ABLIM3: variants seen among roughly 807,000 people sequenced by gnomAD.
ABLIM3 encodes actin binding LIM protein family member 3, also known as actin-binding LIM protein 3.
A neutral mutation model predicts 109.5 loss-of-function variants in ABLIM3; 61 were observed. The ratio of observed to expected loss-of-function variants is 0.56; its 90% CI spans 0.45 to 0.69. ABLIM3 has a LOEUF of 0.69. Ranked by LOEUF, ABLIM3 falls within the 30% of genes least tolerant of loss-of-function variation. The pLI is 0.00. For missense variants in ABLIM3, 796 were observed against 889.5 expected (o/e 0.89, Z 1.34); for synonymous variants, 300 against 324.8 (o/e 0.92, Z 0.82).
intron 8 of ABLIM3, among the ~76,000 whole-genome samples, chr5:149,225,978 GTGTGTATATATATA>G (rs1340646703): frequency 7.6e-4 from 19 of 25,086 alleles, no homozygotes; most frequent in African/African-American, 3.9e-3. Flanking sequence ...GTGTGTGTGT[GTGTGTATATATATA>G]TATATATATA....
intron 17 of ABLIM3, 80 bp downstream of exon 17, chr5:149,246,626 A>G: frequency 6.8e-7 from 1 of 1,471,204 alleles, no homozygotes; most frequent in Non-Finnish European, 9.3e-7. Flanking sequence ...GCAACAAAAA[A>G]CAGATTCAAG....
At chr5:149,157,397 A>G (rs1458145656) in intron 2 of ABLIM3, among the ~76,000 whole-genome samples, 1 of 152,096 alleles carries the variant, frequency 6.6e-6, no homozygotes, top group African/African-American at 2.4e-5. Context: ...TTGTAGCCTA[A>G]TATGATAGCC....
intron 2 of ABLIM3, among the ~76,000 whole-genome samples, chr5:149,153,301 A>ACTTCCCTTTCCTCCACTCTCCTGTGTTC (rs1277883057): frequency 1.3e-5 from 2 of 152,196 alleles, no homozygotes; most frequent in Non-Finnish European, 2.9e-5. Flanking sequence ...CTTCTGAGAC[A>ACTTCCCTTTCCTCCACTCTCCTGTGTTC]CTTCCCTTTC....
At chr5:149,257,459 A>T (rs944821043) in intron 23 of ABLIM3, among the ~76,000 whole-genome samples, 2 of 152,258 alleles carry the variant, frequency 1.3e-5, no homozygotes, top group Non-Finnish European at 2.9e-5. Context: ...AGCAGTATAT[A>T]TGCCATATAT....
intron 14 of ABLIM3, among the ~76,000 whole-genome samples, chr5:149,241,164 G>A (rs984282608): frequency 3.3e-5 from 5 of 152,206 alleles, no homozygotes; most frequent in African/African-American, 1.2e-4. Flanking sequence ...CTGTGAGCCA[G>A]TTACTTGGCT....
In ABLIM3 at chr5:149,220,830, T is replaced by C. The variant is rs1390894799; in HGVS notation, c.757+3784T>C. 3.3e-5 allele frequency: 5 copies of C among 152,206 alleles called. No homozygotes were observed. In the East Asian group the frequency reaches 9.6e-4, roughly 29 times the overall value. The allele number at this position is 152,206 out of a possible 1,614,324, so 9.4% of individuals were successfully genotyped here. A position where few individuals can be genotyped will look rare whatever the true frequency, so the allele number is the denominator to read the frequency against. Reference sequence around the variant, plus strand: ...ATGAGGATAACATCATCGTCTTTCATTGATCCACTCAAACTGGGGGCCACG... The same window carrying C: ...ATGAGGATAACATCATCGTCTTTCACTGATCCACTCAAACTGGGGGCCACG... On this transcript the variant is annotated intron_variant, in intron 8 of 23. Transcript: ENST00000309868.
At chr5:149,161,817 G>A (rs1484314215) in intron 2 of ABLIM3, among the ~76,000 whole-genome samples, 1 of 151,980 alleles carries the variant, frequency 6.6e-6, no homozygotes, top group Non-Finnish European at 1.5e-5. Flanking sequence ...TAGTACCAAG[G>A]AAAAAAGCCA....
intron 8 of ABLIM3, chr5:149,221,033 C>T (rs1227328056): frequency 6.6e-6 from 1 of 152,154 alleles, no homozygotes; most frequent in African/African-American, 2.4e-5. Context: ...GAACAATGGG[C>T]ATGTGTTATA....
At chr5:149,149,603 G>A (rs183439488) in intron 2 of ABLIM3, among the ~76,000 whole-genome samples, 14 of 152,272 alleles carry the variant, frequency 9.2e-5, no homozygotes, top group East Asian at 5.8e-4. Context: ...TTCAGAAAAC[G>A]TCTCGGGCCA....
chr5:149,170,261 T>TCTCC (rs1157186949), intron 2 of ABLIM3, among the ~76,000 whole-genome samples: 3 of 150,906 alleles, frequency 2.0e-5, no homozygotes, highest in Non-Finnish European at 4.4e-5. Flanking sequence ...TCTCTCTCTC[T>TCTCC]CTCCTTCTCC....
At chr5:149,202,612 G>C (rs1013794158) in intron 5 of ABLIM3, among the ~76,000 whole-genome samples, 1 of 152,104 alleles carries the variant, frequency 6.6e-6, no homozygotes, top group Admixed American at 6.5e-5. Context: ...AGGAAAAGAA[G>C]AACAAAATAA....
intron 2 of ABLIM3, among the ~76,000 whole-genome samples, chr5:149,181,643 G>C (rs1179254598): frequency 6.6e-6 from 1 of 152,190 alleles, no homozygotes; most frequent in Non-Finnish European, 1.5e-5. Flanking sequence ...CTGTAAATGG[G>C]AGATGATCAG....
intron 8 of ABLIM3, chr5:149,220,686 G>C (rs1001585251): frequency 6.6e-6 from 1 of 152,204 alleles, no homozygotes; most frequent in African/African-American, 2.4e-5. Flanking sequence ...GGGTAGCTCA[G>C]GAGTGTAAAG....
At chr5:149,187,568 T>C (rs910248541) in intron 3 of ABLIM3, among the ~76,000 whole-genome samples, 3 of 152,252 alleles carry the variant, frequency 2.0e-5, no homozygotes, top group Non-Finnish European at 4.4e-5. Context: ...AGATATGAGT[T>C]CTAAATTTCT....
intron 12 of ABLIM3, 33 bp from the exon 13 acceptor site, chr5:149,239,726 C>T (rs370530844): frequency 1.3e-6 from 2 of 1,548,802 alleles, no homozygotes; most frequent in African/African-American, 2.8e-5. Context: ...ACTTAACAGC[C>T]AGCCATGCTC....
chr5:149,188,616 G>A (rs2127482661), intron 3 of ABLIM3, among the ~76,000 whole-genome samples: 1 of 152,332 alleles, frequency 6.6e-6, no homozygotes, highest in South Asian at 2.1e-4. Context: ...GAGAGAGAAA[G>A]GGAGAGAGGG....
chr5:149,252,910 C>A, intron 23 of ABLIM3, 73 bp downstream of exon 23: 1 of 1,191,462 alleles, frequency 8.4e-7, no homozygotes, highest in Non-Finnish European at 1.2e-6. Flanking sequence ...TAATCCAGCT[C>A]AAGAGGGCTG....
At chr5:149,207,195 A>G (rs1759076795) in intron 6 of ABLIM3, 61 bp downstream of exon 6, 1 of 1,576,712 alleles carries the variant, frequency 6.3e-7, no homozygotes. Flanking sequence ...GGCCTGCCCC[A>G]TTGAGCCCAT....
In ABLIM3 at chr5:149,207,033, C is replaced by T. The variant is rs199983895; in HGVS notation, c.474C>T (p.Ile158=). The T allele has an allele frequency of 3.7e-6, 6 of 1,613,952 alleles. No homozygotes were observed. In the East Asian group the frequency reaches 1.1e-4, roughly 30 times the overall value. ...ACTGTGCCGGGTGCAAGGAGGAGATCAAGCACGGCCAGTCACTCCTGGCTC... is the reference window on the plus strand; with the variant it reads ...ACTGTGCCGGGTGCAAGGAGGAGATTAAGCACGGCCAGTCACTCCTGGCTC... ...PSHCAGCKEE[I]KHGQSLLALD... Residue 158 remains isoleucine, a synonymous_variant, in exon 6 of 24, where the codon ATC becomes ATT. Transcript: ENST00000309868.
Sources: gnomAD v4.1 joint callset for allele counts (sites outside exome capture counted in the v4.1 genomes callset) on GRCh38, gnomAD v4.1.1 for gene constraint, MANE v1.5 for transcripts, NCBI Gene and HGNC (gene_info 2026-07-23, HGNC 2026-07-21) for gene names.